Variants in SLC2A9 observed in about 807,000 individuals in gnomAD.
SLC2A9 encodes the protein solute carrier family 2, facilitated glucose transporter member 9.
A neutral mutation model predicts 50.6 loss-of-function variants in SLC2A9; 39 were observed. That is an observed-to-expected ratio of 0.77 (90% CI 0.60 to 1.01). The LOEUF (loss-of-function observed/expected upper bound fraction) is 1.01, where lower values mean the gene tolerates loss of function less well. SLC2A9 is among the 50% of genes least tolerant of loss of function. SLC2A9 has a pLI of 0.00. For synonymous variants in SLC2A9, 324 were observed against 276.9 expected (o/e 1.17, Z -1.69); for missense variants, 686 against 677.6 (o/e 1.01, Z -0.14).
chr4:9,991,915 C>G (rs974992540), intron 3 of SLC2A9, among the ~76,000 whole-genome samples: 8 of 152,356 alleles, frequency 5.3e-5, no homozygotes, highest in African/African-American at 1.7e-4. Context: ...GATATGGCAG[C>G]CTGGGCTAAC....
chr4:9,771,756 A>G (rs1716854186), intron 1 of SLC2A9, among the ~76,000 whole-genome samples: 1 of 152,196 alleles, frequency 6.6e-6, no homozygotes, highest in Non-Finnish European at 1.5e-5. Context: ...GAGGGTGGCT[A>G]CTACCCTGGA....
At chr4:10,014,435 G>A (rs1005403844) in intron 2 of SLC2A9, among the ~76,000 whole-genome samples, 2 of 152,180 alleles carry the variant, frequency 1.3e-5, no homozygotes, top group Non-Finnish European at 2.9e-5. Flanking sequence ...CTCCCAGGGC[G>A]AGCCTTGGCC....
At chr4:9,775,836 C>T (rs529274881), downstream of SLC2A9, among the ~76,000 whole-genome samples, 7 of 152,280 alleles carry the variant, frequency 4.6e-5, no homozygotes, top group South Asian at 6.2e-4. Context: ...TATAGCAATG[C>T]AAGGATGGCC....
chr4:9,829,706 A>C (rs1025488800), intron 11 of SLC2A9, among the ~76,000 whole-genome samples: 1 of 152,194 alleles, frequency 6.6e-6, no homozygotes, highest in Non-Finnish European at 1.5e-5. Flanking sequence ...GGCAAAGGAC[A>C]CACACAGATG....
rs576095904 is a variant in SLC2A9, at chr4:9,938,083, A to G, written c.814+3830T>C. Among the ~76,000 whole-genome samples, 17 of 152,302 alleles carry G rather than the reference A, an allele frequency of 1.1e-4. No individual in the cohort carries two copies. In the South Asian group the frequency reaches 2.9e-3, roughly 26 times the overall value. On this transcript the variant is annotated intron_variant, in intron 6 of 11. Transcript: ENST00000264784. ...TACAATCATCTATAATTGTTTGTTA[A>G]ATAAGTGAATTAAATTGGCATTGGG...
In SLC2A9 at chr4:9,985,736, G is replaced by A; in HGVS notation, c.468C>T (p.Ala156=). ...GFAISAALLM[A]CSLQAGAFEM... is the part of the protein sequence containing the mutation. ...CAAAGGCTCCTGCCTGGAGCGAGCA[G>A]GCCATCAGCAATGCAGCAGAAATTG... The change falls in exon 4 of 12, where the codon GCC becomes GCT. Residue 156 remains alanine (A), a synonymous_variant. Coordinates refer to ENST00000264784, the MANE Select transcript of SLC2A9 (RefSeq NM_020041.3). 1 of 1,614,016 alleles carries A rather than the reference G, an allele frequency of 6.2e-7. No individual in the cohort carries two copies. The highest frequency in any genetic ancestry group is 8.5e-7 in the Non-Finnish European group (1 of 1,179,856).
chr4:9,914,112 T>A (rs974688160), intron 7 of SLC2A9, among the ~76,000 whole-genome samples: 57 of 152,140 alleles, frequency 3.7e-4, no homozygotes, highest in African/African-American at 1.1e-3. Context: ...CGAGCCCTGA[T>A]CATCCCAAAC....
chr4:9,897,260 T>C (rs1265261726), intron 8 of SLC2A9, among the ~76,000 whole-genome samples: 1 of 152,152 alleles, frequency 6.6e-6, no homozygotes, highest in Non-Finnish European at 1.5e-5. Flanking sequence ...TTTTCTCCCT[T>C]CATTTGTGTG....
chr4:9,976,909 C>T (rs1443080393), intron 5 of SLC2A9, among the ~76,000 whole-genome samples: 1 of 152,218 alleles, frequency 6.6e-6, no homozygotes, highest in African/African-American at 2.4e-5. Flanking sequence ...TCATAGCTCC[C>T]TGTCTTAGCA....
In SLC2A9 at chr4:9,985,750, C is replaced by A. The variant is rs202156864; in HGVS notation, c.454G>T (p.Ala152Ser). The change falls in exon 4 of 12, where the codon GCA (alanine) becomes TCA (serine). Residue 152 changes from alanine (A) to serine (S), a missense_variant. Coordinates refer to ENST00000264784, the MANE Select transcript of SLC2A9 (RefSeq NM_020041.3). ...LANNGFAISA[A>S]LLMACSLQAG... is the part of the protein sequence containing the mutation. ...TGGAGCGAGCAGGCCATCAGCAATG[C>A]AGCAGAAATTGCAAACCCATTATTG... 21 of 1,613,920 alleles carry A rather than the reference C, an allele frequency of 1.3e-5. No homozygotes were observed. Among genetic ancestry groups the A allele is most frequent in the Non-Finnish European group, 1.8e-5 (21 of 1,179,880 alleles).
intron 5 of SLC2A9, among the ~76,000 whole-genome samples, chr4:9,968,244 G>A (rs1753353840): frequency 6.6e-6 from 1 of 152,058 alleles, no homozygotes; most frequent in Admixed American, 6.5e-5. Context: ...TGGAGTTTTC[G>A]TCTTGAAGCT....
chr4:9,879,689 A>G lies in SLC2A9; in HGVS notation c.1291+7878T>C, dbSNP rs367788933. On this transcript the variant is annotated intron_variant, in intron 10 of 11. Transcript: ENST00000264784. ...CGCTCCATCTTGTTTGCATCTGTCC[A>G]CTCCATTTAAACACAAACTCCCCAT... 2.7e-5 allele frequency: 27 copies of G among 985,074 alleles called. 1 individual carries two copies. The Admixed American group carries it at 1.0e-3, about 38-fold the overall frequency. 61.0% of individuals were successfully genotyped at this position (985,074 alleles called of 1,614,324 possible).
chr4:9,806,163 C>T (rs1722088040), intron 3 of SLC2A9, among the ~76,000 whole-genome samples: 1 of 152,218 alleles, frequency 6.6e-6, no homozygotes, highest in Non-Finnish European at 1.5e-5. Flanking sequence ...ATCAACTGGC[C>T]CCAAAACTGG....
chr4:9,783,303 T>A, intron 3 of SLC2A9: 1 of 1,614,088 alleles, frequency 6.2e-7, no homozygotes, highest in Non-Finnish European at 8.5e-7. Context: ...AACCGGGAGG[T>A]GGACAACGAC....
chr4:9,999,069 G>C lies in SLC2A9; in HGVS notation c.250-2128C>G, dbSNP rs544468006. Among the ~76,000 whole-genome samples the C allele has an allele frequency of 5.8e-3, 650 of 111,180 alleles. 8 individuals carry two copies. The highest frequency in any genetic ancestry group is 0.021 in the African/African-American group (624 of 29,498). The allele number at this position is 111,180 out of a possible 152,430, so 72.9% of individuals were successfully genotyped here. A position where few individuals can be genotyped will look rare whatever the true frequency, so the allele number is the denominator to read the frequency against. On this transcript the variant is annotated intron_variant, in intron 2 of 11. Coordinates refer to ENST00000264784, the MANE Select transcript of SLC2A9 (RefSeq NM_020041.3). The stretch of plus-strand genomic sequence containing the variant: ...AATAACTGGGGAGGGACACTTGGTA[G>C]GTCCTTCTTTTTTTTTTTTTCAGGC...
At chr4:9,818,918 C>T (rs1230761438) in intron 3 of SLC2A9, among the ~76,000 whole-genome samples, 2 of 151,624 alleles carry the variant, frequency 1.3e-5, no homozygotes, top group East Asian at 1.9e-4. Flanking sequence ...GTCAGGAGAT[C>T]GAGACCATCC....
At chr4:9,910,548 C>T (rs1741542725) in intron 7 of SLC2A9, among the ~76,000 whole-genome samples, 1 of 152,240 alleles carries the variant, frequency 6.6e-6, no homozygotes, top group Admixed American at 6.5e-5. Flanking sequence ...CTCAGGCTGC[C>T]AGGCTGTCAC....
At chr4:9,918,106 G>C (rs1340953235) in intron 7 of SLC2A9, among the ~76,000 whole-genome samples, 1 of 152,146 alleles carries the variant, frequency 6.6e-6, no homozygotes, top group African/African-American at 2.4e-5. Context: ...ACCCTGTGGG[G>C]CTGTTTGGGG....
chr4:10,011,903 T>C (rs1394287688), intron 2 of SLC2A9, among the ~76,000 whole-genome samples: 4 of 152,224 alleles, frequency 2.6e-5, no homozygotes, highest in Non-Finnish European at 5.9e-5. Context: ...GAGGTACTAA[T>C]GACACAAGGA....
Sources: allele counts gnomAD v4.1 joint callset (sites outside exome capture counted in the v4.1 genomes callset), GRCh38; gene constraint gnomAD v4.1.1; transcripts MANE v1.5; gene names NCBI Gene and HGNC (gene_info 2026-07-23, HGNC 2026-07-21).